The following TVP23B variants were observed in gnomAD, a reference collection of about 807,000 sequenced individuals.
The protein encoded by TVP23B is Golgi apparatus membrane protein TVP23 homolog B.
A neutral mutation model predicts 30.6 loss-of-function variants in TVP23B; 10 were observed. The ratio of observed to expected loss-of-function variants is 0.33; its 90% CI spans 0.20 to 0.55. The LOEUF is 0.55. Among genes scored for constraint, TVP23B ranks in the 20% least tolerant of loss-of-function variants. TVP23B has a pLI of 0.91. For missense variants in TVP23B, 153 were observed against 243.2 expected, an observed-to-expected ratio of 0.63 and a Z score of 2.47; for synonymous variants, 67 against 83.1, an observed-to-expected ratio of 0.81 and a Z score of 1.06.
chr17:18,789,948 TAG>T (rs2035966010), intron 2 of TVP23B, among the ~76,000 whole-genome samples: 2 of 152,148 alleles, frequency 1.3e-5, no homozygotes, highest in African/African-American at 4.8e-5. Flanking sequence ...GGCAAATCTG[TAG>T]AGACAGAAGA....
At chr17:18,788,263 A>G (rs903538024) in intron 1 of TVP23B, among the ~76,000 whole-genome samples, 1 of 139,302 alleles carries the variant, frequency 7.2e-6, no homozygotes, top group Non-Finnish European at 1.5e-5. Flanking sequence ...CCCAGGAGGC[A>G]GAGGTTGCAG....
At chr17:18,789,196 G>A (rs1014041066) in intron 1 of TVP23B, 157 bp from the exon 2 acceptor site, 3 of 1,156,598 alleles carry the variant, frequency 2.6e-6, no homozygotes, top group African/African-American at 3.1e-5. Context: ...GAGGCGGGTG[G>A]AGGATCTGCA....
chr17:18,798,543 T>C (rs575678141), intron 4 of TVP23B, among the ~76,000 whole-genome samples: 1 of 152,186 alleles, frequency 6.6e-6, no homozygotes, highest in African/African-American at 2.4e-5. Flanking sequence ...CAAGAAGAAT[T>C]GAATAGAATC....
chr17:18,783,109 A>ATTTATTTG (rs2035835381), intron 1 of TVP23B, among the ~76,000 whole-genome samples: 1 of 135,056 alleles, frequency 7.4e-6, no homozygotes, highest in African/African-American at 2.7e-5. Flanking sequence ...TGATTGATTC[A>ATTTATTTG]TTCATTCATT....
chr17:18,783,654 CAT>C (rs991152349), intron 1 of TVP23B, among the ~76,000 whole-genome samples: 13 of 152,322 alleles, frequency 8.5e-5, no homozygotes, highest in African/African-American at 2.9e-4. Context: ...CTCAGGGTCT[CAT>C]ATTCTTTTAT....
chr17:18,782,635 T>G (rs992711653), intron 1 of TVP23B: 2 of 152,234 alleles, frequency 1.3e-5, no homozygotes, highest in Non-Finnish European at 2.9e-5. Flanking sequence ...GGGCTGCTGG[T>G]GGCCCATTTT....
chr17:18,792,507 C>T (rs1192865636), intron 3 of TVP23B, among the ~76,000 whole-genome samples: 1 of 152,100 alleles, frequency 6.6e-6, no homozygotes, highest in Non-Finnish European at 1.5e-5. Flanking sequence ...CTTTATGCTC[C>T]AAAGTATTTA....
chr17:18,785,139 C>T (rs551645665), intron 1 of TVP23B, among the ~76,000 whole-genome samples: 95 of 152,270 alleles, frequency 6.2e-4, no homozygotes, highest in African/African-American at 2.2e-3. Flanking sequence ...TTCTCCCCTC[C>T]CCCTCCAGAT....
At chr17:18,785,197 A>G (rs187692033) in intron 1 of TVP23B, among the ~76,000 whole-genome samples, 332 of 152,284 alleles carry the variant, frequency 2.2e-3, no homozygotes, top group African/African-American at 7.6e-3. Context: ...GAGTCAGAAC[A>G]TGCAGTCTTA....
intron 1 of TVP23B, among the ~76,000 whole-genome samples, chr17:18,785,157 A>AC (rs2035882340): frequency 6.6e-6 from 1 of 152,040 alleles, no homozygotes; most frequent in African/African-American, 2.4e-5. Flanking sequence ...GATTTTTACT[A>AC]CAGTAGCCAG....
intron 3 of TVP23B, among the ~76,000 whole-genome samples, chr17:18,792,040 C>A (rs900315003): frequency 6.7e-6 from 1 of 148,388 alleles, no homozygotes; most frequent in African/African-American, 2.5e-5. Context: ...TCTTTTAATT[C>A]TTTTTTTTTT....
chr17:18,798,549 G>C (rs2036110512), intron 4 of TVP23B, among the ~76,000 whole-genome samples: 1 of 152,068 alleles, frequency 6.6e-6, no homozygotes, highest in Non-Finnish European at 1.5e-5. Context: ...GAATTGAATA[G>C]AATCCTATCA....
intron 6 of TVP23B, among the ~76,000 whole-genome samples, chr17:18,805,206 A>G (rs996996892): frequency 6.7e-6 from 1 of 149,178 alleles, no homozygotes; most frequent in Non-Finnish European, 1.5e-5. Flanking sequence ...CTTCTGCATC[A>G]GCCTCCCGAG....
In TVP23B at chr17:18,804,158, G is replaced by A. The variant is rs372035730; in HGVS notation, c.483G>A (p.Val161=). The change falls in exon 6 of 7, where the codon GTG becomes GTA. Residue 161 remains valine (V), a synonymous_variant. Coordinates refer to ENST00000307767, the MANE Select transcript of TVP23B (RefSeq NM_016078.6). ...VKWLAVVIMG[V]VLQGANLYGY... ...CCCAGGCGGTGGTTATCATGGGTGT[G>A]GTGCTACAAGGTGCCAACCTGTATG... 61 of 1,613,852 alleles carry A rather than the reference G, an allele frequency of 3.8e-5. 1 individual carries two copies. In the African/African-American group the frequency reaches 7.5e-4, roughly 20 times the overall value.
At position 18,806,326 on chromosome 17, in the gene TVP23B, G is replaced by A. The variant is rs1403965652; in HGVS notation, c.*759G>A. The A allele has an allele frequency of 4.4e-6, 4 of 917,362 alleles. No homozygotes were observed. The allele number at this position is 917,362 out of a possible 1,614,324, so 56.8% of individuals were successfully genotyped here. A position where few individuals can be genotyped will look rare whatever the true frequency, so the allele number is the denominator to read the frequency against. On this transcript the variant is annotated 3_prime_UTR_variant, in exon 7 of 7. Coordinates refer to ENST00000307767, the MANE Select transcript of TVP23B (RefSeq NM_016078.6). Reference sequence around the variant, plus strand: ...TAATAGATCTTTTACCACTAAAAGAGCATTATTCTCATGTCATAATGAGAA... The same window carrying A: ...TAATAGATCTTTTACCACTAAAAGAACATTATTCTCATGTCATAATGAGAA...
chr17:18,800,325 T>C (rs2036140746), intron 5 of TVP23B, among the ~76,000 whole-genome samples: 1 of 152,220 alleles, frequency 6.6e-6, no homozygotes, highest in Non-Finnish European at 1.5e-5. Flanking sequence ...TAGTTATCTT[T>C]TGAAAACATA....
intron 1 of TVP23B, among the ~76,000 whole-genome samples, chr17:18,784,145 A>C (rs1013101142): frequency 1.3e-5 from 2 of 151,116 alleles, no homozygotes; most frequent in South Asian, 2.1e-4. Flanking sequence ...ACTCCGTCTC[A>C]AAACAAACAA....
chr17:18,804,993 C>T (rs1311876932), intron 6 of TVP23B, among the ~76,000 whole-genome samples: 1 of 151,834 alleles, frequency 6.6e-6, no homozygotes, highest in Non-Finnish European at 1.5e-5. Flanking sequence ...TACTATAATA[C>T]CCCAACATCA....
Position 18,795,697 on chromosome 17 carries a change from T to C in TVP23B, c.241-1882T>C, listed in dbSNP as rs181445903. On this transcript the variant is annotated intron_variant, in intron 3 of 6. Transcript: ENST00000307767. ...AAAGTAAATTTCTGATTGAGTTATATGTGTAGTAGTTCCCCCATTATCTGA... is the reference window on the plus strand; with the variant it reads ...AAAGTAAATTTCTGATTGAGTTATACGTGTAGTAGTTCCCCCATTATCTGA... 7.2e-5 allele frequency: 11 copies of C among 152,386 alleles called. No individual in the cohort carries two copies. In the East Asian group the frequency reaches 1.9e-3, roughly 27 times the overall value. The allele number at this position is 152,386 out of a possible 1,614,324, so 9.4% of individuals were successfully genotyped here.
Sources: allele counts gnomAD v4.1 joint callset (sites outside exome capture counted in the v4.1 genomes callset), GRCh38; gene constraint gnomAD v4.1.1; transcripts MANE v1.5; gene names NCBI Gene and HGNC (gene_info 2026-07-23, HGNC 2026-07-21).